ESRRG: variants seen among roughly 807,000 people sequenced by gnomAD.
The protein encoded by ESRRG is estrogen-related receptor gamma.
ESRRG carries 13 observed loss-of-function variants against 44.0 expected under a neutral mutation model. The observed-to-expected ratio is 0.30, with a 90% CI of 0.19 to 0.47. The LOEUF (loss-of-function observed/expected upper bound fraction) is 0.47. ESRRG is among the 20% of genes least tolerant of loss of function. The probability of loss-of-function intolerance (pLI) is 1.00; values close to 1 mark genes in which losing one functional copy is unlikely to be tolerated. For missense variants in ESRRG, 395 were observed against 580.6 expected (o/e 0.68, Z 3.29); for synonymous variants, 215 against 214.6 (o/e 1.00, Z -0.02).
At chr1:216,519,480 T>C (rs2045404971) in intron 5 of ESRRG, 59 bp from the exon 6 acceptor site, 3 of 1,493,698 alleles carry the variant, frequency 2.0e-6, no homozygotes, top group Non-Finnish European at 2.7e-6. Flanking sequence ...TAATGCAACA[T>C]TAGTTTCATA....
At chr1:217,066,268 T>C (rs1314578330) in intron 1 of ESRRG, among the ~76,000 whole-genome samples, 24 of 148,966 alleles carry the variant, frequency 1.6e-4, no homozygotes, top group African/African-American at 5.7e-4. Context: ...TTTTTTTTTT[T>C]TTTTGAGACG....
intron 1 of ESRRG, among the ~76,000 whole-genome samples, chr1:217,108,691 G>T (rs1197908952): frequency 1.3e-5 from 2 of 151,806 alleles, no homozygotes; most frequent in East Asian, 3.9e-4. Flanking sequence ...CATGTGATGT[G>T]CCTACTCCCT....
chr1:216,972,724 T>G (rs994353278), intron 1 of ESRRG, among the ~76,000 whole-genome samples: 13 of 152,232 alleles, frequency 8.5e-5, no homozygotes, highest in African/African-American at 3.1e-4. Flanking sequence ...AGTCAGAGTA[T>G]TTAATGTCAC....
intron 1 of ESRRG, among the ~76,000 whole-genome samples, chr1:217,119,758 G>A (rs939932232): frequency 3.3e-5 from 5 of 152,264 alleles, no homozygotes; most frequent in African/African-American, 4.8e-5. Flanking sequence ...TAAACTTAAG[G>A]TTTAATTACA....
At chr1:216,926,691 T>C (rs2818750) in intron 2 of ESRRG, among the ~76,000 whole-genome samples, 2,430 of 152,302 alleles carry the variant, frequency 0.016, 67 homozygotes, top group African/African-American at 0.056. Context: ...AAAAGTATAA[T>C]GTTTCACTTA....
At chr1:216,609,162 A>G (rs916605762) in intron 3 of ESRRG, among the ~76,000 whole-genome samples, 2 of 152,242 alleles carry the variant, frequency 1.3e-5, no homozygotes, top group African/African-American at 4.8e-5. Context: ...CACTTACGAC[A>G]TCATATACCT....
chr1:216,983,685 CATGTGT>C (rs779576134), intron 1 of ESRRG, among the ~76,000 whole-genome samples: 2 of 56,526 alleles, frequency 3.5e-5, no homozygotes, highest in South Asian at 7.9e-4. Context: ...CGTGCATGTG[CATGTGT>C]GTGTGTGTGT....
chr1:216,957,154 C>G (rs1225362888), intron 1 of ESRRG, among the ~76,000 whole-genome samples: 1 of 152,146 alleles, frequency 6.6e-6, no homozygotes, highest in Non-Finnish European at 1.5e-5. Context: ...CTGGTTGCTT[C>G]TTTTATCTAC....
chr1:216,752,037 A>C (rs2092067486), intron 2 of ESRRG, among the ~76,000 whole-genome samples: 2 of 152,058 alleles, frequency 1.3e-5, no homozygotes, highest in Admixed American at 1.3e-4. Context: ...GGTTACTTCA[A>C]GGCGTCCTTA....
intron 1 of ESRRG, among the ~76,000 whole-genome samples, chr1:217,073,196 A>C (rs12748285): frequency 1.5e-5 from 1 of 67,534 alleles, no homozygotes; most frequent in Non-Finnish European, 2.9e-5. Flanking sequence ...TCCTTTCTGG[A>C]CAAAAAAAAA....
intron 3 of ESRRG, among the ~76,000 whole-genome samples, chr1:216,641,088 A>C (rs1350850384): frequency 6.6e-6 from 1 of 152,228 alleles, no homozygotes; most frequent in Non-Finnish European, 1.5e-5. Context: ...GGGGACAATC[A>C]AATAAATGAT....
chr1:217,011,680 A>G (rs1038304737), intron 1 of ESRRG, among the ~76,000 whole-genome samples: 6 of 152,118 alleles, frequency 3.9e-5, no homozygotes, highest in Non-Finnish European at 5.9e-5. Flanking sequence ...ATATGCACAA[A>G]CACACACCTC....
chr1:216,576,015 T>C (rs1283681504), intron 3 of ESRRG, among the ~76,000 whole-genome samples: 1 of 152,056 alleles, frequency 6.6e-6, no homozygotes, highest in Non-Finnish European at 1.5e-5. Context: ...CATTCCTCTT[T>C]TTTTCCACTG....
chr1:216,833,367 T>C (rs2095516101), intron 2 of ESRRG, among the ~76,000 whole-genome samples: 1 of 152,264 alleles, frequency 6.6e-6, no homozygotes, highest in South Asian at 2.1e-4. Context: ...CAGCATTTGA[T>C]ATCCAGTTCC....
At chr1:217,046,966 G>A (rs1470701034) in intron 1 of ESRRG, among the ~76,000 whole-genome samples, 1 of 152,040 alleles carries the variant, frequency 6.6e-6, no homozygotes, top group Non-Finnish European at 1.5e-5. Flanking sequence ...AAGATTTGTT[G>A]TAAGCTGATT....
intron 1 of ESRRG, among the ~76,000 whole-genome samples, chr1:217,018,437 G>A (rs1467180774): frequency 6.6e-6 from 1 of 151,990 alleles, no homozygotes; most frequent in Admixed American, 6.6e-5. Flanking sequence ...ATCTTTCAAT[G>A]CCCTTCCATA....
At chr1:216,640,613 C>T (rs1020670661) in intron 3 of ESRRG, among the ~76,000 whole-genome samples, 1 of 152,126 alleles carries the variant, frequency 6.6e-6, no homozygotes, top group Non-Finnish European at 1.5e-5. Flanking sequence ...AATCGTGCCT[C>T]ATACCTGATA....
intron 2 of ESRRG, among the ~76,000 whole-genome samples, chr1:216,662,628 G>GGA (rs2072800229): frequency 6.6e-6 from 1 of 152,056 alleles, no homozygotes; most frequent in Non-Finnish European, 1.5e-5. Context: ...AGGGAGAGTG[G>GGA]GGGGGTTCCT....
intron 5 of ESRRG, among the ~76,000 whole-genome samples, chr1:216,534,192 C>T (rs959015835): frequency 4.6e-5 from 7 of 152,140 alleles, no homozygotes; most frequent in East Asian, 1.9e-4. Context: ...CTGTGCTTCT[C>T]GCTCATTCAC....
Sources: allele counts gnomAD v4.1 joint callset (sites outside exome capture counted in the v4.1 genomes callset), GRCh38; gene constraint gnomAD v4.1.1; transcripts MANE v1.5; gene names NCBI Gene and HGNC (gene_info 2026-07-23, HGNC 2026-07-21).